CNTN4: variants seen among roughly 807,000 people sequenced by gnomAD.
CNTN4 encodes contactin-4.
Under a neutral mutation model 122.5 loss-of-function variants are expected in CNTN4, and 77 were observed. That is an observed-to-expected ratio of 0.63 (90% CI 0.52 to 0.76). The LOEUF (loss-of-function observed/expected upper bound fraction) is 0.76, where lower values mean the gene tolerates loss of function less well. CNTN4 is among the 30% of genes least tolerant of loss of function. CNTN4 has a pLI of 0.00. For synonymous variants in CNTN4, 512 were observed against 447.0 expected (o/e 1.15, Z -1.83); for missense variants, 1,256 against 1,259.1 (o/e 1.00, Z 0.04).
chr3:2,981,359 G>A (rs1415972815), intron 13 of CNTN4, among the ~76,000 whole-genome samples: 2 of 151,710 alleles, frequency 1.3e-5, no homozygotes, highest in Admixed American at 6.5e-5. Flanking sequence ...CGGGAGAATG[G>A]CGTGAACCCA....
intron 2 of CNTN4, among the ~76,000 whole-genome samples, chr3:2,191,764 G>A (rs573734577): frequency 3.3e-5 from 5 of 151,490 alleles, no homozygotes; most frequent in Non-Finnish European, 7.4e-5. Context: ...AAGTTCTAGG[G>A]TACATGTGCA....
At chr3:2,273,065 C>A (rs972989798) in intron 2 of CNTN4, among the ~76,000 whole-genome samples, 1 of 152,136 alleles carries the variant, frequency 6.6e-6, no homozygotes, top group African/African-American at 2.4e-5. Flanking sequence ...AGAAAAATTT[C>A]TTTGTGGTCA....
chr3:2,977,945 C>T (rs9815811), intron 13 of CNTN4, among the ~76,000 whole-genome samples: 67,657 of 151,866 alleles, frequency 0.45, 17,832 homozygotes, highest in African/African-American at 0.76. Context: ...CACCATGTGA[C>T]GATGGAGGCA....
intron 4 of CNTN4, among the ~76,000 whole-genome samples, chr3:2,607,130 T>A (rs1156788674): frequency 6.6e-6 from 1 of 152,194 alleles, no homozygotes; most frequent in Non-Finnish European, 1.5e-5. Context: ...AAGGCCACCT[T>A]TTTTTGGCAT....
chr3:3,000,685 G>A (rs376423442), intron 14 of CNTN4, among the ~76,000 whole-genome samples: 94 of 152,204 alleles, frequency 6.2e-4, no homozygotes, highest in African/African-American at 2.0e-3. Context: ...TCATCTTAGC[G>A]TTCTCAGGGT....
Position 2,591,420 on chromosome 3 carries a change from A to G in CNTN4, c.55+19862A>G, listed in dbSNP as rs1178844385. ...CGCTCTGTCGCCCAGGCTGGAGTGC[A>G]GTGGCGGGATCTCGGCTCACTGCAA... On this transcript the variant is annotated intron_variant, in intron 4 of 24. Transcript: ENST00000418658. Among the ~76,000 whole-genome samples the G allele has an allele frequency of 3.8e-4, 33 of 87,166 alleles. 5 individuals are homozygous for G. The highest frequency in any genetic ancestry group is 5.1e-4 in the South Asian group (1 of 1,966). The allele number at this position is 87,166 out of a possible 152,430, so 57.2% of individuals were successfully genotyped here. A position where few individuals can be genotyped will look rare whatever the true frequency, so the allele number is the denominator to read the frequency against.
chr3:3,049,363 A>G (rs904838998), intron 23 of CNTN4, among the ~76,000 whole-genome samples: 1 of 152,224 alleles, frequency 6.6e-6, no homozygotes, highest in Non-Finnish European at 1.5e-5. Flanking sequence ...GATTACAGGC[A>G]TGAGCCACCA....
intron 4 of CNTN4, among the ~76,000 whole-genome samples, chr3:2,618,007 AG>A (rs1429281977): frequency 3.3e-5 from 5 of 152,210 alleles, no homozygotes; most frequent in African/African-American, 1.2e-4. Context: ...TAAGTAAAAT[AG>A]CAGCCATCAC....
intron 7 of CNTN4, among the ~76,000 whole-genome samples, chr3:2,826,542 G>T (rs192404684): frequency 2.1e-4 from 32 of 152,304 alleles, no homozygotes; most frequent in African/African-American, 7.2e-4. Context: ...CTGTGTTCTA[G>T]TCCTAGCTCT....
intron 4 of CNTN4, among the ~76,000 whole-genome samples, chr3:2,630,751 C>T (rs1322182996): frequency 6.7e-6 from 1 of 150,282 alleles, no homozygotes; most frequent in African/African-American, 2.5e-5. Flanking sequence ...TTAATAAAAT[C>T]TTAGGAATAC....
At chr3:2,436,113 C>A (rs937571940) in intron 3 of CNTN4, among the ~76,000 whole-genome samples, 3 of 152,120 alleles carry the variant, frequency 2.0e-5, no homozygotes, top group Admixed American at 6.6e-5. Flanking sequence ...CCAATTATGA[C>A]TTTATCCTTT....
At chr3:2,571,801 T>C (rs1329271232) in intron 4 of CNTN4, among the ~76,000 whole-genome samples, 1 of 150,130 alleles carries the variant, frequency 6.7e-6, no homozygotes, top group Non-Finnish European at 1.5e-5. Context: ...TTAGAGTCGT[T>C]TGAGCCATTA....
intron 2 of CNTN4, among the ~76,000 whole-genome samples, chr3:2,137,389 A>G (rs1274623704): frequency 6.6e-6 from 1 of 152,198 alleles, no homozygotes; most frequent in African/African-American, 2.4e-5. Flanking sequence ...GAATGTGTGA[A>G]GGGAAGACAG....
chr3:3,014,574 C>G (rs1374857401), intron 14 of CNTN4, among the ~76,000 whole-genome samples: 1 of 151,908 alleles, frequency 6.6e-6, no homozygotes, highest in Non-Finnish European at 1.5e-5. Context: ...CTGTGTACTC[C>G]ACTTGGTGTG....
intron 2 of CNTN4, among the ~76,000 whole-genome samples, chr3:2,308,326 A>G (rs1395521787): frequency 6.6e-6 from 1 of 151,836 alleles, no homozygotes; most frequent in African/African-American, 2.4e-5. Context: ...AGTTGTGTCA[A>G]TTTTATTTAC....
chr3:2,954,478 T>C (rs1472044013), intron 13 of CNTN4, among the ~76,000 whole-genome samples: 1 of 152,052 alleles, frequency 6.6e-6, no homozygotes, highest in Non-Finnish European at 1.5e-5. Context: ...ATTGCAATTA[T>C]ATTTATCAGT....
chr3:2,646,068 GA>G (rs2150151634), intron 4 of CNTN4, among the ~76,000 whole-genome samples: 1 of 152,204 alleles, frequency 6.6e-6, no homozygotes, highest in Non-Finnish European at 1.5e-5. Context: ...CTGATATTGG[GA>G]AACCGATTTT....
intron 3 of CNTN4, among the ~76,000 whole-genome samples, chr3:2,382,451 G>C (rs557374621): frequency 1.3e-5 from 2 of 152,090 alleles, no homozygotes; most frequent in African/African-American, 4.8e-5. Context: ...CACTGCGTCC[G>C]GCCCTATTGT....
intron 6 of CNTN4, among the ~76,000 whole-genome samples, chr3:2,798,812 G>A (rs2092276228): frequency 6.6e-6 from 1 of 152,028 alleles, no homozygotes; most frequent in African/African-American, 2.4e-5. Context: ...CACCCAGCTG[G>A]TATCCTTTTG....
Sources: allele counts gnomAD v4.1 joint callset (sites outside exome capture counted in the v4.1 genomes callset), GRCh38; gene constraint gnomAD v4.1.1; transcripts MANE v1.5; gene names NCBI Gene and HGNC (gene_info 2026-07-23, HGNC 2026-07-21).